DNAH11: variants seen among roughly 807,000 people sequenced by gnomAD.
DNAH11 encodes the protein axonemal beta dynein heavy chain 11.
Under a neutral mutation model 526.0 loss-of-function variants are expected in DNAH11, and 442 were observed. That is an observed-to-expected ratio of 0.84 (90% CI 0.78 to 0.91). The LOEUF (loss-of-function observed/expected upper bound fraction) is 0.91, where lower values mean the gene tolerates loss of function less well. Among genes scored for constraint, DNAH11 ranks in the 40% least tolerant of loss-of-function variants. The pLI is 0.00. For synonymous variants in DNAH11, 2,461 were observed against 1,935.9 expected, an observed-to-expected ratio of 1.27 and a Z score of -7.12; for missense variants, 6,989 against 5,448.7, an observed-to-expected ratio of 1.28 and a Z score of -8.90.
intron 65 of DNAH11, among the ~76,000 whole-genome samples, chr7:21,820,992 T>A (rs1042188859): frequency 2.6e-5 from 4 of 152,122 alleles, no homozygotes; most frequent in African/African-American, 9.7e-5. Context: ...TGAGACATGG[T>A]ATGAGCCTAA....
At chr7:21,736,648 CT>C (rs1785624237) in intron 46 of DNAH11, among the ~76,000 whole-genome samples, 1 of 152,128 alleles carries the variant, frequency 6.6e-6, no homozygotes, top group Admixed American at 6.5e-5. Context: ...TTTCCGTCAT[CT>C]TTTTTGTTAA....
intron 56 of DNAH11, among the ~76,000 whole-genome samples, chr7:21,778,489 T>C (rs1282238595): frequency 6.6e-6 from 1 of 152,172 alleles, no homozygotes; most frequent in East Asian, 1.9e-4. Context: ...ATGCAGCCAA[T>C]TAATCTGCAG....
chr7:21,786,737 T>G lies in DNAH11; in HGVS notation c.9711T>G (p.Ser3237Arg). The stretch of plus-strand genomic sequence containing the variant: ...GGGGAAGAGTGCCCAAAGACCGAAG[T>G]TGGAAAGCAGCTAAAGTCTTCATGG... ...APRGRVPKDR[S>R]WKAAKVFMGK... The change falls in exon 59 of 82, where the codon AGT becomes AGG. Residue 3237 changes from serine (S) to arginine (R), a missense_variant. Ser to Arg is a moderately radical substitution (Grantham distance 110, BLOSUM62 -1). Coordinates refer to ENST00000409508, the MANE Select transcript of DNAH11 (RefSeq NM_001277115.2). 1 of 1,613,718 alleles carries G rather than the reference T, an allele frequency of 6.2e-7. No homozygotes were observed. Among genetic ancestry groups the G allele is most frequent in the Non-Finnish European group, 8.5e-7 (1 of 1,179,726 alleles).
intron 61 of DNAH11, among the ~76,000 whole-genome samples, chr7:21,795,986 C>CTCGTATG (rs35401482): frequency 1.8e-5 from 1 of 55,444 alleles, no homozygotes; most frequent in Non-Finnish European, 3.4e-5. Flanking sequence ...CAGTGAGTAC[C>CTCGTATG]TCAACATGAC....
At chr7:21,748,818 T>G (rs1786276821) in intron 52 of DNAH11, 76 bp downstream of exon 52, 1 of 1,453,532 alleles carries the variant, frequency 6.9e-7, no homozygotes, top group African/African-American at 1.4e-5. Context: ...TGCGCCCGTG[T>G]GGGCTGTGAC....
At chr7:21,548,992 C>T (rs1226015718) in intron 2 of DNAH11, among the ~76,000 whole-genome samples, 1 of 152,032 alleles carries the variant, frequency 6.6e-6, no homozygotes, top group Non-Finnish European at 1.5e-5. Context: ...AGCAATTCTC[C>T]TACCTCAGCC....
At chr7:21,725,209 C>G (rs1282567549) in intron 44 of DNAH11, among the ~76,000 whole-genome samples, 1 of 152,172 alleles carries the variant, frequency 6.6e-6, no homozygotes, top group Admixed American at 6.5e-5. Context: ...TAGATTTGGT[C>G]TGGTGGGAAA....
chr7:21,893,936 T>C (rs1041566280), intron 77 of DNAH11, among the ~76,000 whole-genome samples: 4 of 152,220 alleles, frequency 2.6e-5, no homozygotes, highest in Admixed American at 2.6e-4. Flanking sequence ...TTGCCCAGGC[T>C]GGAATGCAGT....
intron 65 of DNAH11, among the ~76,000 whole-genome samples, chr7:21,842,109 G>GAACA (rs1426439977): frequency 6.6e-6 from 1 of 152,142 alleles, no homozygotes; most frequent in Non-Finnish European, 1.5e-5. Flanking sequence ...TTGTGACCAG[G>GAACA]AACATGCCAT....
chr7:21,811,061 A>G (rs1789492800), intron 63 of DNAH11, among the ~76,000 whole-genome samples: 1 of 152,224 alleles, frequency 6.6e-6, no homozygotes, highest in Non-Finnish European at 1.5e-5. Flanking sequence ...GGATTTTTAA[A>G]CATACGGTAT....
At chr7:21,581,799 CAG>C (rs1195444119) in intron 8 of DNAH11, 104 bp from the exon 9 acceptor site, 1 of 691,790 alleles carries the variant, frequency 1.4e-6, no homozygotes, top group East Asian at 2.6e-5. Flanking sequence ...CACTCAGAGA[CAG>C]AGAGCGAGCG....
chr7:21,765,447 C>T lies in DNAH11; in HGVS notation c.8960C>T (p.Pro2987Leu). 1 of 1,613,848 alleles carries T rather than the reference C, an allele frequency of 6.2e-7. No homozygotes were observed. Among genetic ancestry groups the T allele is most frequent in the South Asian group, 1.1e-5 (1 of 91,076 alleles). Residue 2987 changes from proline (P) to leucine (L), a missense_variant, in exon 55 of 82, where the codon CCA becomes CTA. Pro to Leu is a moderately conservative substitution (Grantham distance 98, BLOSUM62 -3). Coordinates refer to ENST00000409508, the MANE Select transcript of DNAH11 (RefSeq NM_001277115.2). ...CCACAGATCATTTTGTGTTTCTCTC[C>T]AGTTGGTCGCACGCTGAGAGTTAGA... ...LQLKIILCFS[P>L]VGRTLRVRAR...
chr7:21,791,676 C>A (rs955413386), intron 61 of DNAH11, among the ~76,000 whole-genome samples: 3 of 152,144 alleles, frequency 2.0e-5, no homozygotes, highest in East Asian at 1.9e-4. Context: ...TTCCATCATT[C>A]CCACCTATGA....
At chr7:21,614,964 C>CTACATTT in intron 20 of DNAH11, 150 bp from the exon 21 acceptor site, 2 of 897,816 alleles carry the variant, frequency 2.2e-6, no homozygotes, top group Non-Finnish European at 3.2e-6. Context: ...CTTCTAAAAC[C>CTACATTT]TACATTTTGC....
At chr7:21,567,759 A>G (rs561003138) in intron 6 of DNAH11, among the ~76,000 whole-genome samples, 1 of 152,210 alleles carries the variant, frequency 6.6e-6, no homozygotes, top group Non-Finnish European at 1.5e-5. Context: ...AAGCAAATGT[A>G]TTTCTTTTCT....
chr7:21,875,412 C>A (rs1011175144), intron 74 of DNAH11, among the ~76,000 whole-genome samples: 2 of 151,886 alleles, frequency 1.3e-5, no homozygotes, highest in African/African-American at 4.8e-5. Context: ...CTTTTTTGTT[C>A]GTTTGTTTGT....
chr7:21,564,321 G>A lies in DNAH11; in HGVS notation c.1118G>A (p.Ser373Asn). The A allele has an allele frequency of 6.2e-7, 1 of 1,613,564 alleles. No homozygotes were observed. Among genetic ancestry groups the A allele is most frequent in the African/African-American group, 1.3e-5 (1 of 74,982 alleles). Residue 373 changes from serine (S) to asparagine (N), a missense_variant, in exon 6 of 82, where the codon AGT becomes AAT. Physicochemically the swap from Ser to Asn is conservative, Grantham distance 46 (BLOSUM62 1). Coordinates refer to ENST00000409508, the MANE Select transcript of DNAH11 (RefSeq NM_001277115.2). ...TTTCATACCATCTGTCTGATCTGGA[G>A]TCATTCCAAGTTTTATAACACCCCA... ...PLFHTICLIW[S>N]HSKFYNTPAR...
At chr7:21,881,075 T>C (rs566099881) in intron 75 of DNAH11, among the ~76,000 whole-genome samples, 182 bp downstream of exon 75, 1 of 152,350 alleles carries the variant, frequency 6.6e-6, no homozygotes, top group South Asian at 2.1e-4. Context: ...CAGTGGATGT[T>C]TGCACTTCAT....
chr7:21,717,766 C>G lies in DNAH11; in HGVS notation c.6984-9C>G, dbSNP rs1784720486. On this transcript the variant is annotated splice_polypyrimidine_tract_variant and intron_variant, in intron 42 of 81. Transcript: ENST00000409508. ...TGTTCAATAAAAGCTTTTCTGTGTT[C>G]CTTTTCAGGTATGTGGCCAGTTGGA... is the stretch of plus-strand genomic sequence containing the variant. 1 of 1,613,324 alleles carries G rather than the reference C, an allele frequency of 6.2e-7. No homozygotes were observed. Among genetic ancestry groups the G allele is most frequent in the African/African-American group, 1.3e-5 (1 of 74,878 alleles).
Sources: gnomAD v4.1 joint callset for allele counts (sites outside exome capture counted in the v4.1 genomes callset) on GRCh38, gnomAD v4.1.1 for gene constraint, MANE v1.5 for transcripts, NCBI Gene and HGNC (gene_info 2026-07-23, HGNC 2026-07-21) for gene names.